JAML: variants seen among roughly 807,000 people sequenced by gnomAD.
JAML encodes the protein junction adhesion molecule like, also known as junctional adhesion molecule-like.
A neutral mutation model predicts 39.3 loss-of-function variants in JAML; 25 were observed. The ratio of observed to expected loss-of-function variants is 0.64; its 90% CI spans 0.46 to 0.89. The LOEUF (loss-of-function observed/expected upper bound fraction) is 0.89, where lower values mean the gene tolerates loss of function less well. JAML is among the 40% of genes least tolerant of loss of function. JAML has a pLI of 0.00. For synonymous variants in JAML, 162 were observed against 179.2 expected, an observed-to-expected ratio of 0.90 and a Z score of 0.77; for missense variants, 440 against 486.9, an observed-to-expected ratio of 0.90 and a Z score of 0.91.
At chr11:118,198,522 G>C (rs970959385) in intron 7 of JAML, among the ~76,000 whole-genome samples, 2 of 152,016 alleles carry the variant, frequency 1.3e-5, no homozygotes, top group Admixed American at 6.6e-5. Flanking sequence ...GCCTTTCCGG[G>C]GGGCGGAGCA....
At chr11:118,200,052 G>A (rs1001032485) in intron 7 of JAML, among the ~76,000 whole-genome samples, 9 of 152,012 alleles carry the variant, frequency 5.9e-5, no homozygotes, top group African/African-American at 1.9e-4. Context: ...TTCAAAGATC[G>A]TATCTCATAA....
intron 3 of JAML, 77 bp downstream of exon 3, chr11:118,212,330 C>G (rs1163887197): frequency 6.5e-7 from 1 of 1,526,892 alleles, no homozygotes; most frequent in Non-Finnish European, 8.8e-7. Flanking sequence ...GCACCTGATG[C>G]CTGACTCTTA....
intron 1 of JAML, among the ~76,000 whole-genome samples, chr11:118,220,352 C>T (rs2097183): frequency 0.27 from 40,336 of 152,058 alleles, 5,984 homozygotes; most frequent in African/African-American, 0.4. Context: ...GAGAGTGGAA[C>T]GCTTTTCCTC....
intron 1 of JAML, among the ~76,000 whole-genome samples, chr11:118,216,801 G>A (rs905703842): frequency 2.0e-5 from 3 of 152,240 alleles, no homozygotes; most frequent in South Asian, 4.1e-4. Flanking sequence ...AGATATATCA[G>A]GAGTCACATA....
rs142610866 is a variant in JAML at position 118,212,924 on chromosome 11, G to A, written c.44-363C>T. The A allele has an allele frequency of 3.5e-4, 563 of 1,614,236 alleles. 1 individual carries two copies. The African/African-American group carries it at 6.4e-3, about 18-fold the overall frequency. On this transcript the variant is annotated intron_variant, in intron 2 of 9. Coordinates refer to ENST00000356289, the MANE Select transcript of JAML (RefSeq NM_001098526.2). ...ACTCACCTCCACTTACCATAACGAC[G>A]AAATGGGTTGTTCCTTGCTCTTAAA...
Position 118,204,809 on chromosome 11 carries a change from T to C in JAML, c.534+1073A>G, listed in dbSNP as rs190032743. ...ATCAGGACTGGGGCTTTAAGTATTC[T>C]TCATATAGCAGATTCTTTAAAAATA... On this transcript the variant is annotated intron_variant, in intron 5 of 9. Coordinates refer to ENST00000356289, the MANE Select transcript of JAML (RefSeq NM_001098526.2). 365 of 152,342 alleles carry C rather than the reference T, an allele frequency of 2.4e-3. 2 individuals are homozygous for C. Among genetic ancestry groups the C allele is most frequent in the African/African-American group, 8.5e-3 (352 of 41,584 alleles). 9.4% of individuals were successfully genotyped at this position (152,342 alleles called of 1,614,324 possible). A position where few individuals can be genotyped will look rare whatever the true frequency, so the allele number is the denominator to read the frequency against.
intron 1 of JAML, among the ~76,000 whole-genome samples, chr11:118,215,610 G>C (rs1949129554): frequency 6.6e-6 from 1 of 151,982 alleles, no homozygotes; most frequent in Non-Finnish European, 1.5e-5. Context: ...GCCTCTCAAA[G>C]TGTTGGGATT....
intron 1 of JAML, among the ~76,000 whole-genome samples, chr11:118,219,797 T>C (rs1949190964): frequency 6.6e-6 from 1 of 152,148 alleles, no homozygotes; most frequent in South Asian, 2.1e-4. Context: ...CTCCACTATC[T>C]CAGTGAACAG....
At chr11:118,212,705 G>C (rs1949086979) in intron 2 of JAML, 144 bp from the exon 3 acceptor site, 1 of 1,502,900 alleles carries the variant, frequency 6.7e-7, no homozygotes, top group African/African-American at 1.4e-5. Context: ...TTCAAAGGCA[G>C]CATGGCATCC....
chr11:118,199,690 ATTAT>A (rs1205152054), intron 7 of JAML, among the ~76,000 whole-genome samples: 5 of 80,672 alleles, frequency 6.2e-5, no homozygotes, highest in African/African-American at 2.0e-4. Context: ...TATTATTATT[ATTAT>A]TTTTTTTTTT....
rs918935254 is a variant in JAML, at chr11:118,222,145, GT to G, written c.-21+2795del. ...TAAAAGCCCCTGCTGGCCAGGCACA[GT>G]GGCTTATGCCTATAATCCTAGCACT... is the stretch of plus-strand genomic sequence containing the variant. On this transcript the variant is annotated intron_variant, in intron 1 of 9. Coordinates refer to ENST00000356289, the MANE Select transcript of JAML (RefSeq NM_001098526.2). The surrounding 1 kb of genome is among the most constrained non-coding windows in gnomAD (Gnocchi z 4.2). 9.9e-5 allele frequency among the ~76,000 whole-genome samples: 15 copies of G among 152,072 alleles called. No homozygotes were observed. The highest frequency in any genetic ancestry group is 2.7e-4 in the African/African-American group (11 of 41,496).
intron 3 of JAML, 91 bp downstream of exon 3, chr11:118,212,316 G>A (rs1949078138): frequency 3.4e-6 from 5 of 1,480,150 alleles, no homozygotes; most frequent in East Asian, 2.3e-5. Context: ...AACACCTCCT[G>A]GTGGCACCTG....
chr11:118,198,696 A>C (rs1218295146), intron 7 of JAML, among the ~76,000 whole-genome samples: 1 of 150,868 alleles, frequency 6.6e-6, no homozygotes. Flanking sequence ...AAAAAAATTC[A>C]AGGTTTAAGC....
chr11:118,211,020 A>G (rs565118685), intron 3 of JAML, among the ~76,000 whole-genome samples: 2 of 152,334 alleles, frequency 1.3e-5, no homozygotes, highest in Admixed American at 6.5e-5. Context: ...TTTGAAAACC[A>G]TCTCTCATTT....
At chr11:118,217,056 C>G (rs1949152465) in intron 1 of JAML, among the ~76,000 whole-genome samples, 1 of 152,186 alleles carries the variant, frequency 6.6e-6, no homozygotes, top group Admixed American at 6.5e-5. Flanking sequence ...GGGACATTCC[C>G]CCTGCAGCTC....
intron 1 of JAML, among the ~76,000 whole-genome samples, chr11:118,217,959 A>G (rs1367223528): frequency 2.0e-5 from 3 of 152,234 alleles, no homozygotes. Flanking sequence ...TCCTGACTGA[A>G]TGGTCTACCA....
Position 118,217,292 on chromosome 11 carries a change from C to A in JAML, c.-20-2406G>T, listed in dbSNP as rs183106830. Among the ~76,000 whole-genome samples, 353 of 152,326 alleles carry A rather than the reference C, an allele frequency of 2.3e-3. 3 individuals are homozygous for A. The highest frequency in any genetic ancestry group is 8.2e-3 in the African/African-American group (341 of 41,556). On this transcript the variant is annotated intron_variant, in intron 1 of 9. Transcript: ENST00000356289. ...GCATCTTGCAGCAGTCCCCGCTCCACTCTATTCTAAGAGGAAGCCAGCGAC... is the reference window on the plus strand; with the variant it reads ...GCATCTTGCAGCAGTCCCCGCTCCAATCTATTCTAAGAGGAAGCCAGCGAC...
At chr11:118,217,993 C>T (rs1949165731) in intron 1 of JAML, among the ~76,000 whole-genome samples, 1 of 152,214 alleles carries the variant, frequency 6.6e-6, no homozygotes, top group Admixed American at 6.5e-5. Flanking sequence ...AGGCCTTCAC[C>T]CAGTTAACAC....
At chr11:118,218,991 A>T (rs1949178257) in intron 1 of JAML, among the ~76,000 whole-genome samples, 1 of 152,188 alleles carries the variant, frequency 6.6e-6, no homozygotes, top group Non-Finnish European at 1.5e-5. Flanking sequence ...TTTTGACCTG[A>T]GCTCATGGTT....
Sources: gnomAD v4.1 joint callset for allele counts (sites outside exome capture counted in the v4.1 genomes callset) on GRCh38, gnomAD v4.1.1 for gene constraint, Gnocchi (gnomAD v3.1) non-coding constraint, MANE v1.5 for transcripts, NCBI Gene and HGNC (gene_info 2026-07-23, HGNC 2026-07-21) for gene names.